WASHC4: variants seen among roughly 807,000 people sequenced by gnomAD.
WASHC4 encodes WASH complex subunit 7.
WASHC4 carries 86 observed loss-of-function variants against 166.6 expected under a neutral mutation model. The observed-to-expected ratio is 0.52, with a 90% CI of 0.43 to 0.62. The LOEUF is 0.62. Ranked by LOEUF, WASHC4 falls within the 20% of genes least tolerant of loss-of-function variation. The pLI, the probability that WASHC4 is intolerant of heterozygous loss-of-function variation, is 0.00. For missense variants in WASHC4, 1,262 were observed against 1,382.4 expected (o/e 0.91, Z 1.38); for synonymous variants, 446 against 451.6 (o/e 0.99, Z 0.16).
rs551111949 is a variant in WASHC4, at chr12:105,124,605, C to T, written c.787-1399C>T. ...AAATGATTCTCCTGCCTCAGCCTCC[C>T]GAGTAGCTGGGATTACAGGCGTCCA... On this transcript the variant is annotated intron_variant, in intron 10 of 32. Transcript: ENST00000332180. Among the ~76,000 whole-genome samples, 196 of 152,120 alleles carry T rather than the reference C, an allele frequency of 1.3e-3. 3 individuals are homozygous for T. The highest frequency in any genetic ancestry group is 1.4e-3 in the Non-Finnish European group (95 of 67,994).
intron 26 of WASHC4, among the ~76,000 whole-genome samples, chr12:105,155,851 A>G (rs1222159761): frequency 1.3e-5 from 2 of 152,180 alleles, no homozygotes; most frequent in African/African-American, 2.4e-5. Flanking sequence ...CAAAAAAAAG[A>G]AAAAGCACTA....
chr12:105,136,875 G>A (rs972005161), intron 14 of WASHC4, among the ~76,000 whole-genome samples: 1 of 152,036 alleles, frequency 6.6e-6, no homozygotes, highest in Non-Finnish European at 1.5e-5. Context: ...TTTGTGTGTG[G>A]TTCAGAGGAA....
At chr12:105,120,506 CTA>C (rs1880626778) in intron 7 of WASHC4, 47 bp from the exon 8 acceptor site, 3 of 1,097,736 alleles carry the variant, frequency 2.7e-6, no homozygotes, top group Non-Finnish European at 4.2e-6. Context: ...TAAGAATAAA[CTA>C]TGACAAAAAG....
chr12:105,127,039 T>A, intron 12 of WASHC4, 90 bp from the exon 13 acceptor site: 1 of 1,054,806 alleles, frequency 9.5e-7, no homozygotes, highest in Non-Finnish European at 1.5e-6. Context: ...TTGAAATCAG[T>A]TGTCTTCCAT....
At chr12:105,127,093 T>G in intron 12 of WASHC4, 36 bp from the exon 13 acceptor site, 1 of 1,578,210 alleles carries the variant, frequency 6.3e-7, no homozygotes, top group Non-Finnish European at 8.7e-7. Flanking sequence ...TAGCCTGCAT[T>G]TAATGAATTT....
At chr12:105,126,436 G>T (rs1168376719) in intron 12 of WASHC4, 74 bp downstream of exon 12, 1 of 1,147,736 alleles carries the variant, frequency 8.7e-7, no homozygotes, top group Admixed American at 2.0e-5. Context: ...ATTTTAAAAT[G>T]CATTTTATTC....
chr12:105,136,258 AG>A (rs1882307930), intron 14 of WASHC4, among the ~76,000 whole-genome samples: 1 of 152,130 alleles, frequency 6.6e-6, no homozygotes, highest in Admixed American at 6.6e-5. Flanking sequence ...TGTTGTTGAA[AG>A]GTATGTTTGG....
intron 18 of WASHC4, 132 bp from the exon 19 acceptor site, chr12:105,142,321 G>T: frequency 1.5e-6 from 1 of 683,678 alleles, no homozygotes; most frequent in Non-Finnish European, 2.7e-6. Context: ...TCTATACTAT[G>T]TTGGGTTAAG....
intron 21 of WASHC4, 78 bp downstream of exon 21, chr12:105,144,533 A>T: frequency 1.5e-6 from 2 of 1,306,260 alleles, no homozygotes; most frequent in Admixed American, 2.1e-5. Context: ...CAAAACTTTG[A>T]GGGTATATTT....
intron 20 of WASHC4, among the ~76,000 whole-genome samples, chr12:105,143,698 G>A (rs187380385): frequency 6.6e-6 from 1 of 151,894 alleles, no homozygotes; most frequent in Non-Finnish European, 1.5e-5. Flanking sequence ...AAGGAAATAT[G>A]TATTATAAAC....
At position 105,117,118 on chromosome 12, in the gene WASHC4, C is replaced by G. The variant is rs534613771; in HGVS notation, c.436-1328C>G. The stretch of plus-strand genomic sequence containing the variant: ...TGAATCTTTTATCATCATTTGTGAC[C>G]TTCCTTAGCTATGATCATGATTATG... On this transcript the variant is annotated intron_variant, in intron 6 of 32. Coordinates refer to ENST00000332180, the MANE Select transcript of WASHC4 (RefSeq NM_015275.3). Among the ~76,000 whole-genome samples, 5 of 152,142 alleles carry G rather than the reference C, an allele frequency of 3.3e-5. 1 individual carries two copies. In the South Asian group the frequency reaches 8.3e-4, roughly 25 times the overall value.
chr12:105,122,738 A>G lies in WASHC4; in HGVS notation c.786+500A>G, dbSNP rs564254916. On this transcript the variant is annotated intron_variant, in intron 10 of 32. Transcript: ENST00000332180. ...CTGTTATGGTGATCAGTGGTTTCTG[A>G]TGTTACTATTGTAATTGTTCTGGGG... Among the ~76,000 whole-genome samples, 11 of 152,134 alleles carry G rather than the reference A, an allele frequency of 7.2e-5. No individual in the cohort carries two copies. In the South Asian group the frequency reaches 1.5e-3, roughly 20 times the overall value.
chr12:105,132,907 T>C (rs1016400451), intron 13 of WASHC4, among the ~76,000 whole-genome samples: 1 of 151,916 alleles, frequency 6.6e-6, no homozygotes, highest in African/African-American at 2.4e-5. Flanking sequence ...TTCTGACCAC[T>C]TCCACTGTTC....
chr12:105,118,239 CAA>C (rs1172249176), intron 6 of WASHC4, among the ~76,000 whole-genome samples: 2 of 152,064 alleles, frequency 1.3e-5, no homozygotes, highest in Non-Finnish European at 1.5e-5. Flanking sequence ...GCAGTGGGAA[CAA>C]AGAGATAGGA....
At chr12:105,126,429 T>G (rs1881288840) in intron 12 of WASHC4, 67 bp downstream of exon 12, 2 of 1,201,812 alleles carry the variant, frequency 1.7e-6, no homozygotes, top group African/African-American at 1.5e-5. Context: ...ACTAAATATT[T>G]TAAAATGCAT....
chr12:105,119,046 GGGAGTT>G (rs1470127569), intron 7 of WASHC4, among the ~76,000 whole-genome samples: 1 of 152,176 alleles, frequency 6.6e-6, no homozygotes, highest in African/African-American at 2.4e-5. Context: ...TTGGTTACAT[GGGAGTT>G]GGAGGGCTGA....
chr12:105,147,822 T>C (rs1455666233), intron 24 of WASHC4: 2 of 566,758 alleles, frequency 3.5e-6, no homozygotes, highest in Non-Finnish European at 4.5e-6. Flanking sequence ...GGAGAATCGC[T>C]TGAACCTGGG....
chr12:105,149,504 A>G, intron 24 of WASHC4, 111 bp from the exon 25 acceptor site: 1 of 996,150 alleles, frequency 1.0e-6, no homozygotes, highest in Non-Finnish European at 1.4e-6. Flanking sequence ...TTTAAATAGT[A>G]CTTTATAGGT....
intron 26 of WASHC4, 165 bp from the exon 27 acceptor site, chr12:105,156,553 GTAGAAATA>G (rs1303423840): frequency 2.1e-6 from 1 of 481,758 alleles, no homozygotes; most frequent in African/African-American, 1.9e-5. Flanking sequence ...TATTTTAAGT[GTAGAAATA>G]TGTAACAGTT....
Sources: gnomAD v4.1 joint callset for allele counts (sites outside exome capture counted in the v4.1 genomes callset) on GRCh38, gnomAD v4.1.1 for gene constraint, MANE v1.5 for transcripts, NCBI Gene and HGNC (gene_info 2026-07-23, HGNC 2026-07-21) for gene names.